The following KNL1 variants were observed in gnomAD, a reference collection of about 807,000 sequenced individuals.
KNL1 encodes the protein outer kinetochore KNL1 complex subunit KNL1.
In KNL1, 66 loss-of-function variants were observed where a neutral mutation model predicts 201.3. The observed-to-expected ratio is 0.33, with a 90% confidence interval of 0.27 to 0.40. The LOEUF is 0.40. Ranked by LOEUF, KNL1 falls within the 10% of genes least tolerant of loss-of-function variation. The probability of loss-of-function intolerance (pLI) is 1.00; values close to 1 mark genes in which losing one functional copy is unlikely to be tolerated. For synonymous variants in KNL1, 895 were observed against 899.2 expected (o/e 1.00, Z 0.08); for missense variants, 2,815 against 2,690.5 (o/e 1.05, Z -1.02).
chr15:40,638,685 G>A (rs2141744233), intron 13 of KNL1, among the ~76,000 whole-genome samples: 1 of 151,854 alleles, frequency 6.6e-6, no homozygotes, highest in African/African-American at 2.4e-5. Context: ...TAGAGATGGG[G>A]TTTCTCCAGG....
intron 7 of KNL1, among the ~76,000 whole-genome samples, chr15:40,614,608 T>A: frequency 6.6e-6 from 1 of 152,204 alleles, no homozygotes; most frequent in East Asian, 1.9e-4. Flanking sequence ...TGCAGAAATT[T>A]TTTTTGTATG....
chr15:40,654,042 C>T (rs1397893920), intron 21 of KNL1, among the ~76,000 whole-genome samples: 2 of 152,076 alleles, frequency 1.3e-5, no homozygotes, highest in African/African-American at 4.8e-5. Context: ...TGTGTGTCTC[C>T]CTGAGTTGTA....
chr15:40,635,480 A>C (rs1893030244), intron 13 of KNL1, among the ~76,000 whole-genome samples: 2 of 151,722 alleles, frequency 1.3e-5, no homozygotes, highest in Non-Finnish European at 2.9e-5. Context: ...TCAGCCTCCC[A>C]AGTAGCTAGG....
chr15:40,659,892 T>TTGTGTGTGTGTGTG (rs749156028), intron 25 of KNL1, among the ~76,000 whole-genome samples: 23,101 of 119,438 alleles, frequency 0.19, 2,342 homozygotes, highest in Non-Finnish European at 0.27. Flanking sequence ...TTTGAAGAAT[T>TTGTGTGTGTGTGTG]TATGTGTGTG....
chr15:40,632,114 A>G (rs767693949), intron 13 of KNL1, among the ~76,000 whole-genome samples: 5 of 151,984 alleles, frequency 3.3e-5, no homozygotes, highest in Non-Finnish European at 5.9e-5. Flanking sequence ...AGCTGCGCAC[A>G]GTGGCTGGTG....
At chr15:40,657,510 G>A in intron 24 of KNL1, 37 bp downstream of exon 24, 2 of 1,092,744 alleles carry the variant, frequency 1.8e-6, no homozygotes, top group Middle Eastern at 2.7e-4. Context: ...CCATGACAGA[G>A]TACTACAAAT....
chr15:40,615,401 T>C (rs754170284), intron 8 of KNL1, 23 bp downstream of exon 8: 7 of 651,548 alleles, frequency 1.1e-5, no homozygotes, highest in South Asian at 1.0e-4. Context: ...AGAATACTTT[T>C]CTTATAGTAA....
At chr15:40,601,722 G>A (rs1891796923) in intron 1 of KNL1, among the ~76,000 whole-genome samples, 1 of 150,800 alleles carries the variant, frequency 6.6e-6, no homozygotes, top group Non-Finnish European at 1.5e-5. Context: ...TCGGGAGGCT[G>A]AGGCAGGAGA....
intron 7 of KNL1, among the ~76,000 whole-genome samples, chr15:40,612,168 T>C (rs576249656): frequency 6.6e-6 from 1 of 152,018 alleles, no homozygotes; most frequent in East Asian, 1.9e-4. Flanking sequence ...ATACAAAAAT[T>C]AGCCAGGTGT....
chr15:40,624,890 A>C lies in KNL1; in HGVS notation c.4626A>C (p.Ala1542=). Residue 1542 remains alanine (A), a synonymous_variant, in exon 10 of 26, where the codon GCA becomes GCC. Coordinates refer to ENST00000399668, the MANE Select transcript of KNL1 (RefSeq NM_144508.5). ...VIQTHVNAGE[A]PDPVITSNVP... is the part of the protein sequence containing the mutation. ...AAACTCATGTCAATGCTGGAGAAGC[A>C]CCAGATCCTGTAATTACATCTAATG... 6.2e-6 allele frequency: 10 copies of C among 1,612,754 alleles called. No individual in the cohort carries two copies. Among genetic ancestry groups the C allele is most frequent in the Non-Finnish European group, 8.5e-6 (10 of 1,179,720 alleles).
chr15:40,644,057 G>A (rs1419017203), intron 14 of KNL1, among the ~76,000 whole-genome samples: 1 of 152,200 alleles, frequency 6.6e-6, no homozygotes, highest in Non-Finnish European at 1.5e-5. Context: ...AGAAACAACA[G>A]TGGGCCCAGG....
At position 40,662,971 on chromosome 15, in the gene KNL1, AAGAG is replaced by A. The variant is rs992450221; in HGVS notation, c.*787_*790del. ...CAAGACCCTGTCTCAAAAAAACAAAAAGAGAGAAAGCAATAGCACTCAGCTATTG... is the reference window on the plus strand; with the variant it reads ...CAAGACCCTGTCTCAAAAAAACAAAAAGAAAGCAATAGCACTCAGCTATTG... On this transcript the variant is annotated 3_prime_UTR_variant, in exon 26 of 26. Coordinates refer to ENST00000399668, the MANE Select transcript of KNL1 (RefSeq NM_144508.5). The A allele has an allele frequency of 5.5e-6, 1 of 183,072 alleles. No homozygotes were observed. Among genetic ancestry groups the A allele is most frequent in the African/African-American group, 2.4e-5 (1 of 42,506 alleles). The allele number at this position is 183,072 out of a possible 1,614,324, so 11.3% of individuals were successfully genotyped here.
At chr15:40,626,552 C>A (rs189392091) in intron 10 of KNL1, among the ~76,000 whole-genome samples, 1 of 152,132 alleles carries the variant, frequency 6.6e-6, no homozygotes, top group Admixed American at 6.6e-5. Context: ...AGAGAAAAAT[C>A]TGCTGTCATG....
intron 1 of KNL1, 69 bp from the exon 2 acceptor site, chr15:40,602,846 A>C: frequency 1.1e-6 from 1 of 874,376 alleles, no homozygotes; most frequent in Admixed American, 2.2e-5. Context: ...CTGTACTCTT[A>C]ATCTTTTCTT....
rs895194141 is a variant in KNL1 at position 40,651,170 on chromosome 15, T to C, written c.6213-301T>C. Reference sequence around the variant, plus strand: ...TTATATTTTTGCTTTTTATCAAAAATAAAAATGTAGTATTTAAAAGTTATC... The same window carrying C: ...TTATATTTTTGCTTTTTATCAAAAACAAAAATGTAGTATTTAAAAGTTATC... On this transcript the variant is annotated intron_variant, in intron 19 of 25. Transcript: ENST00000399668. Among the ~76,000 whole-genome samples the C allele has an allele frequency of 6.5e-4, 99 of 151,420 alleles. 1 individual carries two copies. Among genetic ancestry groups the C allele is most frequent in the Non-Finnish European group, 2.2e-4 (15 of 67,920 alleles).
At chr15:40,608,614 G>A (rs974545061) in intron 4 of KNL1, among the ~76,000 whole-genome samples, 13 of 151,748 alleles carry the variant, frequency 8.6e-5, no homozygotes, top group African/African-American at 2.9e-4. Flanking sequence ...TCGTGGTGAC[G>A]TATGCCTGTA....
rs377441555 is a variant in KNL1, at chr15:40,599,416, C to T, written c.-17-3499C>T. Among the ~76,000 whole-genome samples, 11 of 150,496 alleles carry T rather than the reference C, an allele frequency of 7.3e-5. No homozygotes were observed. The South Asian group carries it at 1.9e-3, about 27-fold the overall frequency. Reference sequence around the variant, plus strand: ...CCCCACCCCCCGAGACAGGGTCTTTCTCTGTTGCCCAGGCTGGAGTGCAGT... The same window carrying T: ...CCCCACCCCCCGAGACAGGGTCTTTTTCTGTTGCCCAGGCTGGAGTGCAGT... On this transcript the variant is annotated intron_variant, in intron 1 of 25. Coordinates refer to ENST00000399668, the MANE Select transcript of KNL1 (RefSeq NM_144508.5).
Position 40,662,125 on chromosome 15 carries a change from C to T in KNL1, c.6888C>T (p.Tyr2296=), listed in dbSNP as rs759283433. The T allele has an allele frequency of 1.6e-5, 26 of 1,612,958 alleles. No homozygotes were observed. The South Asian group carries it at 2.2e-4, about 14-fold the overall frequency. The stretch of plus-strand genomic sequence containing the variant: ...CTAAAGTGCCACTGGAGAACAACTA[C>T]CTGAAGAATGTAGTCAAGCAAATTT... ...ILSKVPLENN[Y]LKNVVKQIYQ... is the part of the protein sequence containing the mutation. Residue 2296 remains tyrosine, a synonymous_variant, in exon 26 of 26, where the codon TAC becomes TAT. Transcript: ENST00000399668.
At chr15:40,607,521 C>A (rs1187533728) in intron 4 of KNL1, among the ~76,000 whole-genome samples, 1 of 152,056 alleles carries the variant, frequency 6.6e-6, no homozygotes, top group Non-Finnish European at 1.5e-5. Flanking sequence ...CCCAGTAAAA[C>A]TCTCTGTGGA....
Sources: gnomAD v4.1 joint callset for allele counts (sites outside exome capture counted in the v4.1 genomes callset) on GRCh38, gnomAD v4.1.1 for gene constraint, MANE v1.5 for transcripts, NCBI Gene and HGNC (gene_info 2026-07-23, HGNC 2026-07-21) for gene names.